The following VWF variants were observed in gnomAD, a reference collection of about 807,000 sequenced individuals.
VWF encodes Factor VIII related antigen.
A neutral mutation model predicts 308.6 loss-of-function variants in VWF; 176 were observed. The ratio of observed to expected loss-of-function variants is 0.57; its 90% CI spans 0.50 to 0.65. VWF has a LOEUF of 0.65. Among genes scored for constraint, VWF ranks in the 30% least tolerant of loss-of-function variants. The probability of loss-of-function intolerance (pLI) is 0.00; values close to 1 mark genes in which losing one functional copy is unlikely to be tolerated. For synonymous variants in VWF, 1,385 were observed against 1,443.4 expected, an observed-to-expected ratio of 0.96 and a Z score of 0.92; for missense variants, 3,146 against 3,648.2, an observed-to-expected ratio of 0.86 and a Z score of 3.55.
chr12:5,965,239 G>A (rs923916152), intron 47 of VWF, among the ~76,000 whole-genome samples: 3 of 152,178 alleles, frequency 2.0e-5, no homozygotes, highest in African/African-American at 2.4e-5. Flanking sequence ...GGTCTGAGCA[G>A]CCAATTAGTC....
rs367992613 is a variant in VWF at position 5,964,097 on chromosome 12, G to A, written c.7887+3389C>T. Among the ~76,000 whole-genome samples, 6 of 151,986 alleles carry A rather than the reference G, an allele frequency of 3.9e-5. No homozygotes were observed. The South Asian group carries it at 6.2e-4, about 16-fold the overall frequency. On this transcript the variant is annotated intron_variant, in intron 47 of 51. Coordinates refer to ENST00000261405, the MANE Select transcript of VWF (RefSeq NM_000552.5). The stretch of plus-strand genomic sequence containing the variant: ...CTGGGCATGGCGGTGGGCGCCTGTA[G>A]TCCCAGCTACTCAGGAGGCTGAGGC...
intron 10 of VWF, among the ~76,000 whole-genome samples, chr12:6,065,503 G>A (rs569860540): frequency 3.9e-5 from 6 of 152,316 alleles, no homozygotes; most frequent in East Asian, 3.9e-4. Flanking sequence ...TACAGATGGG[G>A]CAACTAAGGA....
In VWF at chr12:6,020,467, C is replaced by T. The variant is rs1944117411; in HGVS notation, c.3675-724G>A. Among the ~76,000 whole-genome samples, 1 of 152,250 alleles carries T rather than the reference C, an allele frequency of 6.6e-6. No homozygotes were observed. The highest frequency in any genetic ancestry group is 2.4e-5 in the African/African-American group (1 of 41,466). The stretch of plus-strand genomic sequence containing the variant: ...TCATGTGCCAGGTACTGGCCAGGCT[C>T]TGTGCCCAGCCCCAAGCACACACCA... On this transcript the variant is annotated intron_variant, in intron 27 of 51. Transcript: ENST00000261405. This position sits in a 1 kb window ranked among gnomAD's most constrained non-coding sequence, Gnocchi z 4.3.
chr12:5,991,336 T>G (rs930072833), intron 38 of VWF, among the ~76,000 whole-genome samples: 3 of 152,196 alleles, frequency 2.0e-5, no homozygotes, highest in Non-Finnish European at 4.4e-5. Flanking sequence ...TAACTATGGT[T>G]AGCTGGTGTT....
Position 6,020,360 on chromosome 12 carries a change from G to T in VWF, c.3675-617C>A, listed in dbSNP as rs185060313. Among the ~76,000 whole-genome samples the T allele has an allele frequency of 1.8e-3, 271 of 152,360 alleles. 2 individuals are homozygous for T. The highest frequency in any genetic ancestry group is 5.8e-3 in the African/African-American group (243 of 41,586). On this transcript the variant is annotated intron_variant, in intron 27 of 51. Coordinates refer to ENST00000261405, the MANE Select transcript of VWF (RefSeq NM_000552.5). The surrounding 1 kb of genome is among the most constrained non-coding windows in gnomAD (Gnocchi z 4.3). Reference sequence around the variant, plus strand: ...ATCTAGCAGAACAAATTATTTGGGAGTAGCAGACAGGGGTCTCCACGGTGT... The same window carrying T: ...ATCTAGCAGAACAAATTATTTGGGATTAGCAGACAGGGGTCTCCACGGTGT...
intron 19 of VWF, among the ~76,000 whole-genome samples, chr12:6,035,034 T>C (rs529569956): frequency 6.6e-6 from 1 of 152,280 alleles, no homozygotes; most frequent in African/African-American, 2.4e-5. Flanking sequence ...GCCTAGTGGC[T>C]GTCCCTAAAA....
chr12:6,120,647 C>A (rs1945419242), intron 3 of VWF, among the ~76,000 whole-genome samples: 1 of 152,130 alleles, frequency 6.6e-6, no homozygotes. Context: ...AAGGATCATG[C>A]AACCTTCATG....
rs747270990 is a variant in VWF, at chr12:6,057,942, C to T, written c.1636G>A (p.Val546Met). ...LTPSGLAEPR[V>M]EDFGNAWKLH... ...TTCCAGGCGTTCCCGAAGTCCTCCA[C>T]CCGGGGCTCCGCCAGCCCAGAGGGG... is the stretch of plus-strand genomic sequence containing the variant. Residue 546 changes from valine (V) to methionine (M), a missense_variant, in exon 14 of 52, where the codon GTG becomes ATG. Physicochemically the swap from Val to Met is conservative, Grantham distance 21. Coordinates refer to ENST00000261405, the MANE Select transcript of VWF (RefSeq NM_000552.5). 1 of 1,613,756 alleles carries T rather than the reference C, an allele frequency of 6.2e-7. No individual in the cohort carries two copies. Among genetic ancestry groups the T allele is most frequent in the South Asian group, 1.1e-5 (1 of 91,084 alleles).
chr12:6,106,520 G>C (rs1228262733), intron 5 of VWF, among the ~76,000 whole-genome samples: 1 of 152,090 alleles, frequency 6.6e-6, no homozygotes, highest in East Asian at 1.9e-4. Flanking sequence ...GGTGGTGATG[G>C]TTGTACAACT....
chr12:6,016,473 C>A (rs755576985), intron 30 of VWF, 43 bp downstream of exon 30: 10 of 1,601,452 alleles, frequency 6.2e-6, no homozygotes, highest in African/African-American at 1.3e-5. Flanking sequence ...AAAATAAGAA[C>A]CAGAATGCAG....
chr12:6,051,018 A>G (rs146133626), intron 16 of VWF, among the ~76,000 whole-genome samples: 1,860 of 126,182 alleles, frequency 0.015, 43 homozygotes, highest in African/African-American at 0.048. Flanking sequence ...ATTATTGTTC[A>G]TGTTCAGGTT....
Position 5,957,285 on chromosome 12 carries a change from C to A in VWF, c.7888-3691G>T, listed in dbSNP as rs564269090. 2.6e-5 allele frequency among the ~76,000 whole-genome samples: 4 copies of A among 152,226 alleles called. No homozygotes were observed. The South Asian group carries it at 8.3e-4, about 32-fold the overall frequency. On this transcript the variant is annotated intron_variant, in intron 47 of 51. Coordinates refer to ENST00000261405, the MANE Select transcript of VWF (RefSeq NM_000552.5). ...CGATGCATTTCTTAGAACATATCCCCATTGTTAAGCAACACGTGAATGTAC... is the reference window on the plus strand; with the variant it reads ...CGATGCATTTCTTAGAACATATCCCAATTGTTAAGCAACACGTGAATGTAC...
At chr12:5,951,941 A>G (rs1409528106) in intron 49 of VWF, 58 bp from the exon 50 acceptor site, 2 of 1,592,164 alleles carry the variant, frequency 1.3e-6, no homozygotes, top group East Asian at 4.5e-5. Context: ...GACAGCTTTC[A>G]GGTCACTCCG....
intron 6 of VWF, among the ~76,000 whole-genome samples, chr12:6,084,367 C>T (rs1393049682): frequency 1.3e-5 from 2 of 152,206 alleles, no homozygotes; most frequent in African/African-American, 2.4e-5. Flanking sequence ...CAACTCCTGT[C>T]GGCCGTGCCA....
intron 2 of VWF, chr12:6,122,882 T>C (rs1945446399): frequency 4.1e-6 from 3 of 739,804 alleles, no homozygotes; most frequent in Non-Finnish European, 7.5e-6. Context: ...CCTCATCCTG[T>C]GCCCCCATAA....
chr12:6,021,877 A>C (rs757454849), intron 27 of VWF, 23 bp downstream of exon 27: 1 of 1,614,172 alleles, frequency 6.2e-7, no homozygotes. Flanking sequence ...CATCACTTCA[A>C]ACAACCCAGG....
intron 42 of VWF, among the ~76,000 whole-genome samples, chr12:5,979,080 C>A (rs1943563200): frequency 6.6e-6 from 1 of 152,192 alleles, no homozygotes; most frequent in African/African-American, 2.4e-5. Flanking sequence ...ACATAAGAAT[C>A]CATGAGTTCA....
Position 6,072,469 on chromosome 12 carries a change from G to A in VWF, c.998-27C>T, listed in dbSNP as rs55907031. ...TGGGGTCAAGGGCATCAAGACAAAGGCCTCAACATTGTCATTGCGTCACTC... is the reference window on the plus strand; with the variant it reads ...TGGGGTCAAGGGCATCAAGACAAAGACCTCAACATTGTCATTGCGTCACTC... On this transcript the variant is annotated intron_variant, in intron 8 of 51. Coordinates refer to ENST00000261405, the MANE Select transcript of VWF (RefSeq NM_000552.5). 0.12 allele frequency: 187,713 copies of A among 1,570,608 alleles called. 13,291 individuals carry two copies. The highest frequency in any genetic ancestry group is 0.3 in the African/African-American group (21,954 of 74,116).
At chr12:6,064,620 T>A (rs1944691556) in intron 11 of VWF, among the ~76,000 whole-genome samples, 1 of 152,184 alleles carries the variant, frequency 6.6e-6, no homozygotes, top group African/African-American at 2.4e-5. Flanking sequence ...CCCAGTCTCT[T>A]ATAAAGAACC....
Sources: allele counts gnomAD v4.1 joint callset (sites outside exome capture counted in the v4.1 genomes callset), GRCh38; gene constraint gnomAD v4.1.1; non-coding constraint Gnocchi (gnomAD v3.1); transcripts MANE v1.5; gene names NCBI Gene and HGNC (gene_info 2026-07-23, HGNC 2026-07-21).